SORCS3: variants seen among roughly 807,000 people sequenced by gnomAD.
SORCS3 encodes sortilin related VPS10 domain containing receptor 3.
In SORCS3, 57 loss-of-function variants were observed where a neutral mutation model predicts 146.3. The observed-to-expected ratio is 0.39, with a 90% CI of 0.31 to 0.49. The LOEUF (loss-of-function observed/expected upper bound fraction) is 0.49, where lower values mean the gene tolerates loss of function less well. Among genes scored for constraint, SORCS3 ranks in the 20% least tolerant of loss-of-function variants. The pLI is 0.92. For missense variants in SORCS3, 1,341 were observed against 1,575.5 expected, an observed-to-expected ratio of 0.85 and a Z score of 2.52; for synonymous variants, 653 against 618.5, an observed-to-expected ratio of 1.06 and a Z score of -0.83.
At chr10:104,991,370 T>C (rs148494535) in intron 4 of SORCS3, among the ~76,000 whole-genome samples, 1 of 152,256 alleles carries the variant, frequency 6.6e-6, no homozygotes, top group African/African-American at 2.4e-5. Flanking sequence ...GTTGATTTCT[T>C]CTGAAGCCTC....
chr10:104,841,547 T>A (rs2018139946), intron 1 of SORCS3, among the ~76,000 whole-genome samples: 1 of 152,124 alleles, frequency 6.6e-6, no homozygotes, highest in Non-Finnish European at 1.5e-5. Flanking sequence ...TTGGTTTATA[T>A]AGAAGAAATG....
chr10:104,855,191 C>A (rs2018316302), intron 2 of SORCS3, among the ~76,000 whole-genome samples: 2 of 152,144 alleles, frequency 1.3e-5, no homozygotes, highest in African/African-American at 4.8e-5. Context: ...TGGGATGTGT[C>A]CATTCCTCTG....
chr10:104,764,645 G>GT (rs2017159331), intron 1 of SORCS3, among the ~76,000 whole-genome samples: 1 of 152,166 alleles, frequency 6.6e-6, no homozygotes, highest in Non-Finnish European at 1.5e-5. Flanking sequence ...AGGTAATGAA[G>GT]TATTAGCTTC....
At chr10:104,705,381 A>G (rs1214579423) in intron 1 of SORCS3, among the ~76,000 whole-genome samples, 2 of 151,972 alleles carry the variant, frequency 1.3e-5, no homozygotes, top group African/African-American at 2.4e-5. Flanking sequence ...TAAAGACTCT[A>G]GATTCTCCCT....
At chr10:104,774,337 C>T (rs1564680411) in intron 1 of SORCS3, among the ~76,000 whole-genome samples, 2 of 152,142 alleles carry the variant, frequency 1.3e-5, no homozygotes, top group African/African-American at 4.8e-5. Flanking sequence ...CTTTGCAAGG[C>T]CATGTTGTTA....
chr10:105,043,770 A>G (rs769176089), intron 5 of SORCS3, among the ~76,000 whole-genome samples: 2 of 152,064 alleles, frequency 1.3e-5, no homozygotes, highest in Non-Finnish European at 2.9e-5. Flanking sequence ...CTTCAGAACT[A>G]CCTCTGTAGG....
intron 4 of SORCS3, among the ~76,000 whole-genome samples, chr10:105,039,796 A>G (rs1272772358): frequency 6.6e-6 from 1 of 152,040 alleles, no homozygotes; most frequent in Non-Finnish European, 1.5e-5. Flanking sequence ...GAGGACAGGA[A>G]CCATGCTGCT....
At chr10:104,698,330 C>G (rs1265939879) in intron 1 of SORCS3, among the ~76,000 whole-genome samples, 1 of 152,092 alleles carries the variant, frequency 6.6e-6, no homozygotes, top group African/African-American at 2.4e-5. Flanking sequence ...TCATTGCACT[C>G]TTTTTTGCAA....
chr10:104,832,547 G>A (rs1041387179), intron 1 of SORCS3, among the ~76,000 whole-genome samples: 8 of 152,040 alleles, frequency 5.3e-5, no homozygotes, highest in Non-Finnish European at 1.2e-4. Flanking sequence ...GTGATACCCT[G>A]TCTCTACTAA....
chr10:104,999,988 A>C (rs184578447), intron 4 of SORCS3, among the ~76,000 whole-genome samples: 2 of 152,080 alleles, frequency 1.3e-5, no homozygotes, highest in Admixed American at 1.3e-4. Flanking sequence ...AATAATGAAC[A>C]ATTCAGTATG....
chr10:105,217,464 T>C (rs957903990), intron 19 of SORCS3, among the ~76,000 whole-genome samples: 2 of 152,158 alleles, frequency 1.3e-5, no homozygotes, highest in Non-Finnish European at 1.5e-5. Context: ...AGCCTTCTGG[T>C]TGATAGTCTC....
chr10:104,855,492 C>A (rs1358768951), intron 2 of SORCS3, among the ~76,000 whole-genome samples: 1 of 152,064 alleles, frequency 6.6e-6, no homozygotes, highest in Non-Finnish European at 1.5e-5. Flanking sequence ...TTTCTTTCAT[C>A]AGCATTTTAT....
At chr10:104,970,297 C>T (rs1252269077) in intron 3 of SORCS3, among the ~76,000 whole-genome samples, 4 of 152,088 alleles carry the variant, frequency 2.6e-5, no homozygotes, top group Admixed American at 6.5e-5. Flanking sequence ...CAGGTGTGTA[C>T]CTCCACGCCC....
intron 2 of SORCS3, among the ~76,000 whole-genome samples, chr10:104,867,541 C>T (rs775289225): frequency 6.6e-5 from 10 of 152,094 alleles, no homozygotes; most frequent in Non-Finnish European, 1.2e-4. Context: ...GATCTCCTGA[C>T]CTCATGATCT....
chr10:104,741,883 T>G (rs1317028612), intron 1 of SORCS3, among the ~76,000 whole-genome samples: 1 of 152,054 alleles, frequency 6.6e-6, no homozygotes, highest in African/African-American at 2.4e-5. Context: ...TTGAGACATT[T>G]TTATGACGGC....
chr10:104,687,265 A>G (rs905688929), intron 1 of SORCS3, among the ~76,000 whole-genome samples: 11 of 152,188 alleles, frequency 7.2e-5, no homozygotes, highest in Admixed American at 5.2e-4. Flanking sequence ...TTAAAAAATC[A>G]TCCAACCAAT....
At chr10:105,083,131 T>C (rs975492911) in intron 5 of SORCS3, among the ~76,000 whole-genome samples, 1 of 152,248 alleles carries the variant, frequency 6.6e-6, no homozygotes, top group African/African-American at 2.4e-5. Context: ...TTTATAGTCA[T>C]TTAATTAAAA....
rs146072051 is a variant in SORCS3, at chr10:104,900,217, C to T, written c.696-15616C>T. 8.1e-4 allele frequency among the ~76,000 whole-genome samples: 124 copies of T among 152,304 alleles called. 1 individual carries two copies. Among genetic ancestry groups the T allele is most frequent in the Middle Eastern group, 3.4e-3 (1 of 294 alleles). On this transcript the variant is annotated intron_variant, in intron 2 of 26. Transcript: ENST00000369701. ...TTATAATGTGCTACAGAGATGCTGG[C>T]TCTGCTGGTTTCTGTCAGTGATAAC...
intron 1 of SORCS3, among the ~76,000 whole-genome samples, chr10:104,669,930 G>T (rs921737149): frequency 2.6e-5 from 4 of 151,944 alleles, no homozygotes; most frequent in Non-Finnish European, 5.9e-5. Flanking sequence ...AATGGAAGAA[G>T]TAGTAGCTCA....
Sources: allele counts gnomAD v4.1 joint callset (sites outside exome capture counted in the v4.1 genomes callset), GRCh38; gene constraint gnomAD v4.1.1; transcripts MANE v1.5; gene names NCBI Gene and HGNC (gene_info 2026-07-23, HGNC 2026-07-21).